Variants in KIAA1217 observed in about 807,000 individuals in gnomAD.
KIAA1217 encodes the protein sickle tail protein homolog.
KIAA1217 carries 88 observed loss-of-function variants against 163.9 expected under a neutral mutation model. That is an observed-to-expected ratio of 0.54 (90% CI 0.45 to 0.64). The LOEUF (loss-of-function observed/expected upper bound fraction) is 0.64. Ranked by LOEUF, KIAA1217 falls within the 30% of genes least tolerant of loss-of-function variation. The pLI is 0.00. For synonymous variants in KIAA1217, 903 were observed against 923.1 expected (o/e 0.98, Z 0.39); for missense variants, 2,372 against 2,475.0 (o/e 0.96, Z 0.88).
chr10:23,966,630 A>C (rs1390424647), intron 1 of KIAA1217, among the ~76,000 whole-genome samples: 1 of 152,228 alleles, frequency 6.6e-6, no homozygotes, highest in Non-Finnish European at 1.5e-5. Flanking sequence ...CCCCTCTGGC[A>C]TACAGTCAAT....
intron 3 of KIAA1217, among the ~76,000 whole-genome samples, chr10:24,402,534 A>AAAAAAAAAAAAAC (rs2056703923): frequency 6.7e-6 from 1 of 149,830 alleles, no homozygotes; most frequent in Non-Finnish European, 1.5e-5. Flanking sequence ...AAAACAAAAA[A>AAAAAAAAAAAAAC]AAAAAAAAGG....
At chr10:24,177,041 G>T (rs1383806792) in intron 2 of KIAA1217, among the ~76,000 whole-genome samples, 3 of 151,636 alleles carry the variant, frequency 2.0e-5, no homozygotes, top group Admixed American at 6.6e-5. Flanking sequence ...CTGAGCCTGT[G>T]CCCACCATGC....
intron 1 of KIAA1217, among the ~76,000 whole-genome samples, chr10:23,738,438 G>A (rs1156565477): frequency 6.6e-6 from 1 of 151,842 alleles, no homozygotes; most frequent in Non-Finnish European, 1.5e-5. Flanking sequence ...CATTTATTTG[G>A]CCTCTACTCT....
At chr10:24,396,812 C>T (rs1591591307) in intron 3 of KIAA1217, among the ~76,000 whole-genome samples, 1 of 152,208 alleles carries the variant, frequency 6.6e-6, no homozygotes, top group East Asian at 1.9e-4. Context: ...AACACTCTGG[C>T]TCCACTGGCA....
At chr10:23,829,645 A>T (rs1838078142) in intron 1 of KIAA1217, among the ~76,000 whole-genome samples, 1 of 152,088 alleles carries the variant, frequency 6.6e-6, no homozygotes, top group African/African-American at 2.4e-5. Context: ...TCTCTTTCCA[A>T]ACTATTATCA....
chr10:24,345,248 T>C (rs2047583291), intron 2 of KIAA1217, among the ~76,000 whole-genome samples: 1 of 152,208 alleles, frequency 6.6e-6, no homozygotes, highest in Non-Finnish European at 1.5e-5. Context: ...TCATGGCAGA[T>C]GGCACTTAGG....
Position 24,275,663 on chromosome 10 carries a change from C to T in KIAA1217, c.354+55754C>T, listed in dbSNP as rs146060498. On this transcript the variant is annotated intron_variant, in intron 2 of 20. Transcript: ENST00000376454. ...CAAGTATGTTTTTTTTCTCATTAAG[C>T]CTTTGCTTAAGATGCAGGCAAGATT... 7.4e-4 allele frequency: 363 copies of T among 487,420 alleles called. 5 individuals are homozygous for T. The highest frequency in any genetic ancestry group is 6.3e-3 in the African/African-American group (317 of 50,504). 30.2% of individuals were successfully genotyped at this position (487,420 alleles called of 1,614,324 possible). A position where few individuals can be genotyped will look rare whatever the true frequency, so the allele number is the denominator to read the frequency against.
intron 1 of KIAA1217, among the ~76,000 whole-genome samples, chr10:23,821,445 C>T (rs1837617886): frequency 6.6e-6 from 1 of 152,092 alleles, no homozygotes; most frequent in African/African-American, 2.4e-5. Flanking sequence ...TCAGAGTGAG[C>T]ACTGGTTTGT....
chr10:23,740,185 T>C (rs1839030737), intron 1 of KIAA1217, among the ~76,000 whole-genome samples: 1 of 152,160 alleles, frequency 6.6e-6, no homozygotes, highest in Non-Finnish European at 1.5e-5. Flanking sequence ...TTTAAAATCA[T>C]AACTCTAGAT....
intron 1 of KIAA1217, among the ~76,000 whole-genome samples, chr10:23,777,927 A>T (rs559119410): frequency 6.6e-6 from 1 of 151,894 alleles, no homozygotes; most frequent in Non-Finnish European, 1.5e-5. Context: ...AGTCTTAACT[A>T]CGGAAATTTT....
chr10:23,744,356 A>G (rs1340493443), intron 1 of KIAA1217, among the ~76,000 whole-genome samples: 4 of 152,192 alleles, frequency 2.6e-5, no homozygotes, highest in African/African-American at 9.7e-5. Flanking sequence ...TTTTGCTTCT[A>G]GAAAGATGTG....
intron 2 of KIAA1217, among the ~76,000 whole-genome samples, chr10:24,108,994 G>A (rs1197027555): frequency 6.6e-6 from 1 of 152,088 alleles, no homozygotes; most frequent in African/African-American, 2.4e-5. Flanking sequence ...ACCACACCCA[G>A]CTGTTTTTTG....
intron 1 of KIAA1217, among the ~76,000 whole-genome samples, chr10:23,721,036 A>G (rs930321536): frequency 3.9e-5 from 6 of 152,292 alleles, no homozygotes; most frequent in East Asian, 1.9e-4. Flanking sequence ...TACCTACCCA[A>G]TTCTGTAGAG....
intron 1 of KIAA1217, among the ~76,000 whole-genome samples, chr10:23,873,383 T>C (rs927824816): frequency 1.3e-5 from 2 of 152,034 alleles, no homozygotes; most frequent in African/African-American, 4.8e-5. Flanking sequence ...GAAATGTGAT[T>C]TATCTTAAAA....
intron 2 of KIAA1217, among the ~76,000 whole-genome samples, chr10:24,241,139 A>T (rs1461134110): frequency 1.3e-5 from 2 of 152,088 alleles, no homozygotes; most frequent in East Asian, 3.9e-4. Flanking sequence ...GAGCCACTGC[A>T]CCCGGCCTTG....
Position 24,438,408 on chromosome 10 carries a change from C to T in KIAA1217, c.775C>T (p.Leu259Phe). Reference sequence around the variant, plus strand: ...CAGGAACATTCAAGACAGATCACTCCTCAAAGTGTACAACAAGGATCCTGC... The same window carrying T: ...CAGGAACATTCAAGACAGATCACTCTTCAAAGTGTACAACAAGGATCCTGC... The part of the protein sequence containing the change: ...DVRNIQDRSL[L>F]KVYNKDPAHA... Residue 259 changes from leucine (L) to phenylalanine (F), a missense_variant, in exon 5 of 21, where the codon CTC becomes TTC. This residue lies in a region of KIAA1217 where 1,431 missense variants were observed against 1,470.3 expected (regional missense o/e 0.97). Coordinates refer to ENST00000376454, the MANE Select transcript of KIAA1217 (RefSeq NM_019590.5). 1 of 1,613,002 alleles carries T rather than the reference C, an allele frequency of 6.2e-7. No individual in the cohort carries two copies. The highest frequency in any genetic ancestry group is 8.5e-7 in the Non-Finnish European group (1 of 1,179,004).
At chr10:24,284,578 G>A (rs220360) in intron 2 of KIAA1217, among the ~76,000 whole-genome samples, 73,810 of 152,046 alleles carry the variant, frequency 0.49, 18,392 homozygotes, top group Non-Finnish European at 0.51. Context: ...AAATGACTGC[G>A]TAGTATTCCA....
At chr10:23,798,870 C>T (rs1255614145) in intron 1 of KIAA1217, among the ~76,000 whole-genome samples, 7 of 152,238 alleles carry the variant, frequency 4.6e-5, no homozygotes, top group East Asian at 1.9e-4. Flanking sequence ...GAGCAGATTG[C>T]GAAGAGCCTT....
At chr10:23,841,054 T>C (rs1423162920) in intron 1 of KIAA1217, among the ~76,000 whole-genome samples, 3 of 152,208 alleles carry the variant, frequency 2.0e-5, no homozygotes, top group Admixed American at 6.5e-5. Context: ...TGATATGTAC[T>C]CCATAAAGTT....
Sources: gnomAD v4.1 joint callset for allele counts (sites outside exome capture counted in the v4.1 genomes callset) on GRCh38, gnomAD v4.1.1 for gene constraint, gnomAD v4.1.1 regional missense constraint, MANE v1.5 for transcripts, NCBI Gene and HGNC (gene_info 2026-07-23, HGNC 2026-07-21) for gene names.